USP47: variants seen among roughly 807,000 people sequenced by gnomAD.
The protein encoded by USP47 is ubiquitin specific peptidase 47.
In USP47, 35 loss-of-function variants were observed where a neutral mutation model predicts 165.1. The ratio of observed to expected loss-of-function variants is 0.21; its 90% CI spans 0.16 to 0.28. USP47 has a LOEUF of 0.28. Ranked by LOEUF, USP47 falls within the 10% of genes least tolerant of loss-of-function variation. The probability of loss-of-function intolerance (pLI) is 1.00; values close to 1 mark genes in which losing one functional copy is unlikely to be tolerated. For missense variants in USP47, 1,277 were observed against 1,607.4 expected (o/e 0.79, Z 3.52); for synonymous variants, 531 against 544.5 (o/e 0.98, Z 0.35).
intron 8 of USP47, among the ~76,000 whole-genome samples, chr11:11,916,401 T>G (rs1351684217): frequency 2.0e-5 from 3 of 152,198 alleles, no homozygotes; most frequent in African/African-American, 7.2e-5. Flanking sequence ...CTGACTGAAT[T>G]AAATATTCTC....
rs200878221 is a variant in USP47 at position 11,942,908 on chromosome 11, A to G, written c.2887A>G (p.Asn963Asp). ...AGACAATGCTCAGATCCCTTTGGCT[A>G]ATGGACTTGACTCTCACAGTATCAC... ...NADNAQIPLANGLDSHSITSS... is the reference protein window; with the variant it reads ...NADNAQIPLADGLDSHSITSS... The change falls in exon 20 of 28, where the codon AAT (asparagine) becomes GAT (aspartate). Residue 963 changes from asparagine to aspartate, a missense_variant. Asn to Asp is a conservative substitution (Grantham distance 23). Coordinates refer to ENST00000527733, the MANE Select transcript of USP47 (RefSeq NM_001282659.2). 3.7e-6 allele frequency: 6 copies of G among 1,613,624 alleles called. No homozygotes were observed. The highest frequency in any genetic ancestry group is 3.3e-5 in the Admixed American group (2 of 59,942).
chr11:11,933,188 T>C (rs1854801979), intron 15 of USP47, 72 bp downstream of exon 15: 3 of 1,187,606 alleles, frequency 2.5e-6, no homozygotes, highest in Admixed American at 2.0e-5. Context: ...TTCTAATGAC[T>C]AACTCATTGG....
chr11:11,849,378 G>C (rs563294655), intron 1 of USP47, among the ~76,000 whole-genome samples: 2 of 152,298 alleles, frequency 1.3e-5, no homozygotes, highest in African/African-American at 4.8e-5. Flanking sequence ...CAATGTTGGG[G>C]GAGGGGAGGA....
In USP47 at chr11:11,880,253, G is replaced by T; in HGVS notation, c.116G>T (p.Arg39Leu). ...DTTNSKTVNE[R>L]ITLNLPASTP... ...ACTAATTCAAAGACAGTGAATGAAC[G>T]GATCACTTTAAATTTACCAGCATCT... Residue 39 changes from arginine to leucine, a missense_variant, in exon 2 of 28, where the codon CGG becomes CTG. Coordinates refer to ENST00000527733, the MANE Select transcript of USP47 (RefSeq NM_001282659.2). 1 of 1,457,220 alleles carries T rather than the reference G, an allele frequency of 6.9e-7. No individual in the cohort carries two copies. The highest frequency in any genetic ancestry group is 9.0e-7 in the Non-Finnish European group (1 of 1,114,748). 90.3% of individuals were successfully genotyped at this position (1,457,220 alleles called of 1,614,324 possible). A position where few individuals can be genotyped will look rare whatever the true frequency, so the allele number is the denominator to read the frequency against.
At chr11:11,940,586 G>A (rs1855399871) in intron 19 of USP47, 38 bp downstream of exon 19, 9 of 1,596,416 alleles carry the variant, frequency 5.6e-6, no homozygotes, top group Non-Finnish European at 6.9e-6. Flanking sequence ...TTTCTATGCT[G>A]GTAGTAGTAA....
intron 8 of USP47, among the ~76,000 whole-genome samples, chr11:11,908,434 C>T (rs1297247615): frequency 2.0e-5 from 3 of 152,036 alleles, no homozygotes; most frequent in Non-Finnish European, 4.4e-5. Flanking sequence ...CTACCACGCC[C>T]AGCCAGGGTT....
intron 1 of USP47, among the ~76,000 whole-genome samples, chr11:11,865,467 A>ATCTGT (rs1281115199): frequency 1.1e-4 from 17 of 151,146 alleles, no homozygotes; most frequent in African/African-American, 4.1e-4. Flanking sequence ...TTTCGGTTTT[A>ATCTGT]TCTGTTATTT....
At chr11:11,899,776 C>G (rs1378273160) in intron 5 of USP47, among the ~76,000 whole-genome samples, 1 of 152,054 alleles carries the variant, frequency 6.6e-6, no homozygotes, top group Non-Finnish European at 1.5e-5. Flanking sequence ...GACATGAGGT[C>G]AAACAGAAAG....
At chr11:11,919,779 C>T (rs1439886268) in intron 8 of USP47, among the ~76,000 whole-genome samples, 2 of 151,728 alleles carry the variant, frequency 1.3e-5, no homozygotes, top group Non-Finnish European at 3.0e-5. Context: ...TAAATGCTTC[C>T]TTTTATAAGA....
intron 4 of USP47, 149 bp downstream of exon 4, chr11:11,892,255 A>G: frequency 1.3e-6 from 1 of 776,786 alleles, no homozygotes; most frequent in East Asian, 2.9e-5. Context: ...TAGAAGAAGT[A>G]TGTGGTTTAC....
intron 27 of USP47, among the ~76,000 whole-genome samples, chr11:11,955,410 T>C (rs1856499430): frequency 6.6e-6 from 1 of 152,238 alleles, no homozygotes; most frequent in East Asian, 1.9e-4. Flanking sequence ...ATATGATCAT[T>C]ACATGTCATC....
rs2134594238 is a variant in USP47, at chr11:11,920,071, T to C, written c.970-85T>C. 3.9e-6 allele frequency: 4 copies of C among 1,024,156 alleles called. No homozygotes were observed. The East Asian group carries it at 1.2e-4, about 31-fold the overall frequency. 63.4% of individuals were successfully genotyped at this position (1,024,156 alleles called of 1,614,324 possible). A position where few individuals can be genotyped will look rare whatever the true frequency, so the allele number is the denominator to read the frequency against. Reference sequence around the variant, plus strand: ...TTTCTAACCATTCTACTTATAACTTTTAGTAATTACAGTCTTTTTTATTCA... The same window carrying C: ...TTTCTAACCATTCTACTTATAACTTCTAGTAATTACAGTCTTTTTTATTCA... On this transcript the variant is annotated intron_variant, in intron 8 of 27. Transcript: ENST00000527733.
chr11:11,895,961 C>T (rs1382254941), intron 4 of USP47, among the ~76,000 whole-genome samples: 1 of 152,120 alleles, frequency 6.6e-6, no homozygotes, highest in Non-Finnish European at 1.5e-5. Flanking sequence ...ATGTAGAATC[C>T]ACTTGATAAT....
intron 5 of USP47, 127 bp downstream of exon 5, chr11:11,897,820 C>A: frequency 1.7e-6 from 1 of 605,380 alleles, no homozygotes; most frequent in South Asian, 2.5e-5. Context: ...GATATAACTT[C>A]TTTCCTTACG....
intron 1 of USP47, among the ~76,000 whole-genome samples, chr11:11,879,764 T>C (rs536717060): frequency 1.3e-5 from 2 of 152,274 alleles, no homozygotes; most frequent in South Asian, 4.1e-4. Context: ...ATTCCCATTT[T>C]TTTTTAGGAG....
intron 15 of USP47, 136 bp downstream of exon 15, chr11:11,933,252 T>C (rs1854809289): frequency 1.4e-6 from 1 of 739,108 alleles, no homozygotes; most frequent in Admixed American, 2.8e-5. Context: ...TAACCAACTA[T>C]ACTATAAAGG....
chr11:11,911,020 A>G (rs1852937549), intron 8 of USP47, among the ~76,000 whole-genome samples: 1 of 152,172 alleles, frequency 6.6e-6, no homozygotes, highest in South Asian at 2.1e-4. Flanking sequence ...TGAAAATTTT[A>G]GGGAATCAGT....
At chr11:11,864,943 T>C (rs551048033) in intron 1 of USP47, among the ~76,000 whole-genome samples, 2 of 152,114 alleles carry the variant, frequency 1.3e-5, no homozygotes, top group African/African-American at 2.4e-5. Flanking sequence ...GGTTGACAGC[T>C]CTTCTTTCAG....
chr11:11,887,504 C>G (rs1310002603), intron 3 of USP47, among the ~76,000 whole-genome samples: 1 of 152,086 alleles, frequency 6.6e-6, no homozygotes, highest in African/African-American at 2.4e-5. Context: ...GTAAAGGGTT[C>G]AATCCAACAA....
Sources: allele counts gnomAD v4.1 joint callset (sites outside exome capture counted in the v4.1 genomes callset), GRCh38; gene constraint gnomAD v4.1.1; transcripts MANE v1.5; gene names NCBI Gene and HGNC (gene_info 2026-07-23, HGNC 2026-07-21).